Variants in C1QTNF7 observed in about 807,000 individuals in gnomAD.
C1QTNF7 encodes complement C1q tumor necrosis factor-related protein 7.
In C1QTNF7, 15 loss-of-function variants were observed where a neutral mutation model predicts 19.6. The ratio of observed to expected loss-of-function variants is 0.76; its 90% confidence interval spans 0.51 to 1.18. The LOEUF (loss-of-function observed/expected upper bound fraction) is 1.18, where lower values mean the gene tolerates loss of function less well. C1QTNF7 is among the 50% of genes most tolerant of loss of function. The probability of loss-of-function intolerance (pLI) is 0.00; values close to 1 mark genes in which losing one functional copy is unlikely to be tolerated. For synonymous variants in C1QTNF7, 142 were observed against 137.5 expected, an observed-to-expected ratio of 1.03 and a Z score of -0.23; for missense variants, 324 against 359.7, an observed-to-expected ratio of 0.90 and a Z score of 0.80.
intron 1 of C1QTNF7, among the ~76,000 whole-genome samples, chr4:15,420,920 C>T (rs893290974): frequency 1.5e-4 from 21 of 142,970 alleles, no homozygotes; most frequent in Admixed American, 1.3e-3. Context: ...TCCCAGCTCT[C>T]GCTCCAATGT....
chr4:15,415,538 C>CA (rs1035913724), intron 1 of C1QTNF7, among the ~76,000 whole-genome samples: 1 of 151,878 alleles, frequency 6.6e-6, no homozygotes, highest in African/African-American at 2.4e-5. Context: ...TTAGAAAATA[C>CA]AAATCACCCA....
chr4:15,399,344 A>G (rs1406515313), intron 1 of C1QTNF7, among the ~76,000 whole-genome samples: 1 of 152,114 alleles, frequency 6.6e-6, no homozygotes, highest in African/African-American at 2.4e-5. Context: ...TGTTCTGCCA[A>G]TGCCTGATGA....
chr4:15,385,267 TGACA>T lies in C1QTNF7; in HGVS notation c.13+45065_13+45068del, dbSNP rs554725430. Among the ~76,000 whole-genome samples, 43 of 151,824 alleles carry T rather than the reference TGACA, an allele frequency of 2.8e-4. No homozygotes were observed. In the South Asian group the frequency reaches 8.3e-3, roughly 29 times the overall value. On this transcript the variant is annotated intron_variant, in intron 1 of 2. Coordinates refer to the C1QTNF7 transcript ENST00000295297. ...AGCCCCTTAGAGTCCACTTGAGGGG[TGACA>T]GACAAAGAAAACACAAAGACGTACA...
chr4:15,343,128 C>A (rs1716601706), intron 1 of C1QTNF7, among the ~76,000 whole-genome samples: 2 of 152,174 alleles, frequency 1.3e-5, no homozygotes, highest in African/African-American at 4.8e-5. Context: ...GTAAGTGTCA[C>A]ATGTTTTAGT....
At chr4:15,393,186 C>G (rs1239571587) in intron 1 of C1QTNF7, among the ~76,000 whole-genome samples, 3 of 152,286 alleles carry the variant, frequency 2.0e-5, no homozygotes, top group East Asian at 1.9e-4. Context: ...GTAAGACATG[C>G]CTTTTGCCTT....
At position 15,340,101 on chromosome 4, in the gene C1QTNF7, A is replaced by G. The variant is rs1444210874; in HGVS notation, c.-94A>G. On this transcript the variant is annotated 5_prime_UTR_variant, in exon 1 of 3. Transcript: ENST00000295297. Reference sequence around the variant, plus strand: ...TGGAGTAGCTTCGAATAATAAACACATATTTCTGCTTTAAATTTTTAATAG... The same window carrying G: ...TGGAGTAGCTTCGAATAATAAACACGTATTTCTGCTTTAAATTTTTAATAG... 7.2e-6 allele frequency: 10 copies of G among 1,390,528 alleles called. No individual in the cohort carries two copies. The East Asian group carries it at 1.5e-4, about 21-fold the overall frequency. 86.1% of individuals were successfully genotyped at this position (1,390,528 alleles called of 1,614,324 possible).
chr4:15,364,335 C>T (rs1420272314), intron 1 of C1QTNF7, among the ~76,000 whole-genome samples: 1 of 152,170 alleles, frequency 6.6e-6, no homozygotes, highest in Non-Finnish European at 1.5e-5. Context: ...TCAGCTTCAT[C>T]ATTTACCAGC....
chr4:15,387,577 C>T (rs1452841295), intron 1 of C1QTNF7, among the ~76,000 whole-genome samples: 2 of 152,060 alleles, frequency 1.3e-5, no homozygotes, highest in Non-Finnish European at 2.9e-5. Context: ...GAGGGAGAAG[C>T]AAGGGGGATT....
chr4:15,409,398 T>A (rs1185882657), intron 1 of C1QTNF7, among the ~76,000 whole-genome samples: 7 of 152,242 alleles, frequency 4.6e-5, no homozygotes, highest in Non-Finnish European at 1.0e-4. Flanking sequence ...CGAATGGGCC[T>A]CTGTATCTAT....
chr4:15,408,275 C>CAAAAA (rs71179625), intron 1 of C1QTNF7, among the ~76,000 whole-genome samples: 3 of 78,442 alleles, frequency 3.8e-5, no homozygotes, highest in East Asian at 3.5e-4. Context: ...GACTCTGTCT[C>CAAAAA]AAAAAAAAAA....
intron 1 of C1QTNF7, among the ~76,000 whole-genome samples, chr4:15,412,366 AGTCCCTG>A (rs764281191): frequency 2.0e-5 from 3 of 149,820 alleles, no homozygotes; most frequent in African/African-American, 7.4e-5. Context: ...CCATGAAACC[AGTCCCTG>A]GTGCCAAAAC....
At chr4:15,384,266 T>C (rs1271385499) in intron 1 of C1QTNF7, among the ~76,000 whole-genome samples, 1 of 152,210 alleles carries the variant, frequency 6.6e-6, no homozygotes, top group Non-Finnish European at 1.5e-5. Flanking sequence ...GAGTAAGCAC[T>C]AGAAAGGAAG....
intron 1 of C1QTNF7, among the ~76,000 whole-genome samples, chr4:15,431,236 G>C (rs1712294507): frequency 6.6e-6 from 1 of 151,432 alleles, no homozygotes; most frequent in Non-Finnish European, 1.5e-5. Context: ...AAAAGGACAA[G>C]ACAGCTCTAC....
At chr4:15,424,493 C>A (rs1029248074), upstream of C1QTNF7, among the ~76,000 whole-genome samples, 7 of 152,164 alleles carry the variant, frequency 4.6e-5, no homozygotes, top group South Asian at 2.1e-4. Flanking sequence ...AGTGCTCCCC[C>A]CACCAGCCTC....
intron 1 of C1QTNF7, among the ~76,000 whole-genome samples, chr4:15,421,664 A>G (rs2108926463): frequency 6.6e-6 from 1 of 152,294 alleles, no homozygotes; most frequent in South Asian, 2.1e-4. Flanking sequence ...TGCCAAATCT[A>G]TCACTCAGTA....
intron 1 of C1QTNF7, among the ~76,000 whole-genome samples, chr4:15,373,373 C>G (rs2109308029): frequency 6.6e-6 from 1 of 152,360 alleles, no homozygotes; most frequent in African/African-American, 2.4e-5. Flanking sequence ...TGCTCCACCT[C>G]TTAATATTAT....
chr4:15,419,835 G>A (rs13124984), intron 1 of C1QTNF7: 38,568 of 151,576 alleles, frequency 0.25, 5,901 homozygotes, highest in East Asian at 0.38. Context: ...ACACACACAC[G>A]GCCAAACAAA....
In C1QTNF7 at chr4:15,434,179, T is replaced by C. The variant is rs60423835; in HGVS notation, c.-8-1557T>C. Among the ~76,000 whole-genome samples the C allele has an allele frequency of 2.8e-3, 429 of 152,238 alleles. 2 individuals are homozygous for C. Among genetic ancestry groups the C allele is most frequent in the African/African-American group, 0.01 (417 of 41,538 alleles). ...AAATGTTCTCCTTGCTTTTTTTTTT[T>C]CAACTAGTAACACCAAGATTTAGTC... On this transcript the variant is annotated intron_variant, in intron 1 of 2. Transcript: ENST00000444304.
intron 1 of C1QTNF7, among the ~76,000 whole-genome samples, chr4:15,422,214 A>ATT (rs1277470846): frequency 5.3e-5 from 8 of 149,794 alleles, no homozygotes; most frequent in East Asian, 2.0e-4. Flanking sequence ...TTTTTTTAAA[A>ATT]AAAAAAAAAA....
Sources: allele counts gnomAD v4.1 joint callset (sites outside exome capture counted in the v4.1 genomes callset), GRCh38; gene constraint gnomAD v4.1.1; transcripts MANE v1.5; gene names NCBI Gene and HGNC (gene_info 2026-07-23, HGNC 2026-07-21).